Variants in CDK14 observed in about 807,000 individuals in gnomAD.
CDK14 encodes the protein cyclin-dependent kinase 14.
A neutral mutation model predicts 60.7 loss-of-function variants in CDK14; 34 were observed. That is an observed-to-expected ratio of 0.56 (90% CI 0.43 to 0.75). The LOEUF (loss-of-function observed/expected upper bound fraction) is 0.75, where lower values mean the gene tolerates loss of function less well. Among genes scored for constraint, CDK14 ranks in the 30% least tolerant of loss-of-function variants. CDK14 has a pLI of 0.00. For synonymous variants in CDK14, 197 were observed against 203.7 expected (o/e 0.97, Z 0.28); for missense variants, 482 against 564.1 (o/e 0.85, Z 1.47).
chr7:90,804,297 A>C (rs1788746603), intron 5 of CDK14, among the ~76,000 whole-genome samples: 1 of 152,216 alleles, frequency 6.6e-6, no homozygotes, highest in Non-Finnish European at 1.5e-5. Flanking sequence ...AATTAAAATA[A>C]TATTACCAAC....
intron 10 of CDK14, among the ~76,000 whole-genome samples, chr7:90,986,922 G>A (rs1430195334): frequency 2.0e-5 from 3 of 151,816 alleles, no homozygotes; most frequent in African/African-American, 7.2e-5. Flanking sequence ...GTATTTGAAA[G>A]CAGAAAACTT....
intron 2 of CDK14, among the ~76,000 whole-genome samples, chr7:90,667,770 C>T (rs539781941): frequency 7.2e-5 from 11 of 152,152 alleles, no homozygotes; most frequent in South Asian, 2.1e-4. Flanking sequence ...GGGGTTTCAC[C>T]GTGTTAGCCA....
intron 6 of CDK14, among the ~76,000 whole-genome samples, chr7:90,887,270 T>C (rs865858607): frequency 6.6e-6 from 1 of 152,182 alleles, no homozygotes; most frequent in East Asian, 1.9e-4. Flanking sequence ...CTTTTCTCGT[T>C]GAGTTTGAGA....
At chr7:90,681,470 T>C (rs1395888811) in intron 2 of CDK14, among the ~76,000 whole-genome samples, 1 of 152,194 alleles carries the variant, frequency 6.6e-6, no homozygotes, top group African/African-American at 2.4e-5. Flanking sequence ...TCCTTTACAT[T>C]CTCTCTGAGA....
At chr7:90,962,683 A>G (rs1356534224) in intron 9 of CDK14, among the ~76,000 whole-genome samples, 1 of 152,200 alleles carries the variant, frequency 6.6e-6, no homozygotes, top group Non-Finnish European at 1.5e-5. Flanking sequence ...AACAAATAAA[A>G]ATTTCCCCAT....
At chr7:91,190,208 GAGGCCTCATCT>G (rs1237114281) in intron 14 of CDK14, among the ~76,000 whole-genome samples, 3 of 152,194 alleles carry the variant, frequency 2.0e-5, no homozygotes, top group African/African-American at 7.2e-5. Context: ...GACACAGGCT[GAGGCCTCATCT>G]TCACAAGGTG....
intron 7 of CDK14, among the ~76,000 whole-genome samples, chr7:90,901,319 A>T (rs1373800598): frequency 6.6e-6 from 1 of 152,122 alleles, no homozygotes; most frequent in Non-Finnish European, 1.5e-5. Flanking sequence ...TGTCACAGAA[A>T]TTATATGTGA....
At chr7:90,644,973 C>T (rs1800427923) in intron 2 of CDK14, among the ~76,000 whole-genome samples, 1 of 152,148 alleles carries the variant, frequency 6.6e-6, no homozygotes, top group Non-Finnish European at 1.5e-5. Context: ...GAATTTTAGA[C>T]ATCTTACCGC....
intron 14 of CDK14, among the ~76,000 whole-genome samples, chr7:91,127,446 A>C (rs1292543698): frequency 6.6e-6 from 1 of 152,132 alleles, no homozygotes; most frequent in Non-Finnish European, 1.5e-5. Flanking sequence ...AGTGTGGAAG[A>C]CTAGCTTAGT....
At chr7:90,800,661 A>G (rs1314487538) in intron 5 of CDK14, among the ~76,000 whole-genome samples, 2 of 152,176 alleles carry the variant, frequency 1.3e-5, no homozygotes, top group Non-Finnish European at 2.9e-5. Context: ...TTCAATTGAT[A>G]ATTAACCAGT....
chr7:90,725,440 T>A lies in CDK14; in HGVS notation c.124-1127T>A, dbSNP rs1156583575. ...TTATACCCCACATGGAGTCATTCTATACATATTAGCTCTGTGTATCTGTGG... is the reference window on the plus strand; with the variant it reads ...TTATACCCCACATGGAGTCATTCTAAACATATTAGCTCTGTGTATCTGTGG... On this transcript the variant is annotated intron_variant, in intron 2 of 14. Coordinates refer to ENST00000380050, the MANE Select transcript of CDK14 (RefSeq NM_001287135.2). 6.6e-5 allele frequency among the ~76,000 whole-genome samples: 10 copies of A among 152,192 alleles called. 1 individual carries two copies. The South Asian group carries it at 8.3e-4, about 13-fold the overall frequency.
chr7:90,617,498 T>G (rs1799678343), intron 2 of CDK14, among the ~76,000 whole-genome samples: 1 of 152,110 alleles, frequency 6.6e-6, no homozygotes, highest in African/African-American at 2.4e-5. Context: ...AAAGTGAACC[T>G]TAAAGATTCC....
intron 14 of CDK14, among the ~76,000 whole-genome samples, chr7:91,202,320 A>G (rs1178846488): frequency 1.3e-5 from 2 of 152,224 alleles, no homozygotes; most frequent in Non-Finnish European, 2.9e-5. Context: ...TAAAACATTC[A>G]TTTCTAGAGA....
intron 5 of CDK14, among the ~76,000 whole-genome samples, chr7:90,862,439 G>A (rs78244660): frequency 1.3e-5 from 2 of 151,842 alleles, no homozygotes; most frequent in African/African-American, 4.8e-5. Flanking sequence ...TTGATAAAAC[G>A]GTCAATTCTC....
At chr7:90,700,227 G>T (rs962412596) in intron 2 of CDK14, among the ~76,000 whole-genome samples, 4 of 152,124 alleles carry the variant, frequency 2.6e-5, no homozygotes, top group Non-Finnish European at 5.9e-5. Flanking sequence ...CCGAGTAGCT[G>T]GGATTTTAGG....
intron 12 of CDK14, among the ~76,000 whole-genome samples, chr7:91,097,767 C>T (rs1584054649): frequency 6.6e-6 from 1 of 152,106 alleles, no homozygotes. Context: ...GTGATGATCA[C>T]CTCACAGGCT....
chr7:90,898,175 C>T (rs1792394472), intron 6 of CDK14, among the ~76,000 whole-genome samples: 2 of 152,090 alleles, frequency 1.3e-5, no homozygotes, highest in South Asian at 4.1e-4. Flanking sequence ...TCTTAAAATA[C>T]TACACAGCAG....
At chr7:90,868,689 T>G (rs967140616) in intron 6 of CDK14, among the ~76,000 whole-genome samples, 1 of 152,192 alleles carries the variant, frequency 6.6e-6, no homozygotes, top group African/African-American at 2.4e-5. Context: ...GTGTTGTACA[T>G]TCTACAAAGC....
rs532770580 is a variant in CDK14, at chr7:90,820,706, G to A, written c.544+30054G>A. Among the ~76,000 whole-genome samples the A allele has an allele frequency of 3.0e-3, 462 of 152,226 alleles. 1 individual carries two copies. The highest frequency in any genetic ancestry group is 6.6e-3 in the Admixed American group (101 of 15,276). On this transcript the variant is annotated intron_variant, in intron 5 of 14. Coordinates refer to ENST00000380050, the MANE Select transcript of CDK14 (RefSeq NM_001287135.2). ...TGCGTCTAACCTTATGGAACAAGTT[G>A]TCACCTCTTTGTGCTGATTTCCAGT...
Sources: gnomAD v4.1 joint callset for allele counts (sites outside exome capture counted in the v4.1 genomes callset) on GRCh38, gnomAD v4.1.1 for gene constraint, MANE v1.5 for transcripts, NCBI Gene and HGNC (gene_info 2026-07-23, HGNC 2026-07-21) for gene names.